The following LARGE1 variants were observed in gnomAD, a reference collection of about 807,000 sequenced individuals.
LARGE1 encodes the protein LARGE xylosyl- and glucuronyltransferase 1.
LARGE1 carries 43 observed loss-of-function variants against 87.6 expected under a neutral mutation model. The observed-to-expected ratio is 0.49, with a 90% CI of 0.38 to 0.63. The LOEUF (loss-of-function observed/expected upper bound fraction) is 0.63, where lower values mean the gene tolerates loss of function less well. Ranked by LOEUF, LARGE1 falls within the 30% of genes least tolerant of loss-of-function variation. The probability of loss-of-function intolerance (pLI) is 0.00; values close to 1 mark genes in which losing one functional copy is unlikely to be tolerated. For synonymous variants in LARGE1, 434 were observed against 394.6 expected (o/e 1.10, Z -1.18); for missense variants, 802 against 1,000.2 (o/e 0.80, Z 2.67).
chr22:33,554,252 C>A (rs999153586), intron 6 of LARGE1, among the ~76,000 whole-genome samples: 1 of 152,116 alleles, frequency 6.6e-6, no homozygotes, highest in African/African-American at 2.4e-5. Context: ...TCCAATGAGC[C>A]CTGTGTTAGA....
rs181456999 is a variant in LARGE1 at position 33,391,841 on chromosome 22, C to A, written c.893-7537G>T. Among the ~76,000 whole-genome samples, 204 of 145,600 alleles carry A rather than the reference C, an allele frequency of 1.4e-3. 3 individuals carry two copies. Among genetic ancestry groups the A allele is most frequent in the Non-Finnish European group, 1.0e-3 (67 of 67,268 alleles). On this transcript the variant is annotated intron_variant, in intron 7 of 14. Coordinates refer to ENST00000397394, the MANE Select transcript of LARGE1 (RefSeq NM_133642.5). ...CAGGAGTGCAATGGCGTGATCTCGGCTCACTGCAACCTCTGCCTCCCGGGT... is the reference window on the plus strand; with the variant it reads ...CAGGAGTGCAATGGCGTGATCTCGGATCACTGCAACCTCTGCCTCCCGGGT...
chr22:33,216,761 C>T (rs1225157275), intron 11 of LARGE1, among the ~76,000 whole-genome samples: 1 of 152,144 alleles, frequency 6.6e-6, no homozygotes, highest in Non-Finnish European at 1.5e-5. Context: ...CATGACCCCA[C>T]ACTGTCCCAC....
the LARGE1 span, among the ~76,000 whole-genome samples, chr22:33,119,584 A>G: frequency 6.6e-6 from 1 of 151,922 alleles, no homozygotes; most frequent in Admixed American, 6.6e-5. Context: ...CATGGTCTAG[A>G]ACAGTTTCTT....
chr22:33,598,348 C>T (rs1406773164), intron 5 of LARGE1, among the ~76,000 whole-genome samples: 1 of 152,074 alleles, frequency 6.6e-6, no homozygotes, highest in Non-Finnish European at 1.5e-5. Context: ...ATGAGAGAAC[C>T]ATGTAAAACA....
chr22:33,841,271 G>A (rs756137678), intron 1 of LARGE1, among the ~76,000 whole-genome samples: 5 of 152,122 alleles, frequency 3.3e-5, no homozygotes, highest in African/African-American at 1.2e-4. Flanking sequence ...ATGTTTCAGA[G>A]TTTTTGAGGG....
At chr22:33,461,140 T>C (rs1325883448) in intron 6 of LARGE1, among the ~76,000 whole-genome samples, 1 of 152,154 alleles carries the variant, frequency 6.6e-6, no homozygotes, top group Non-Finnish European at 1.5e-5. Flanking sequence ...GGAAAATCTG[T>C]TTAATATATT....
chr22:33,572,614 C>T (rs2078239062), intron 5 of LARGE1, among the ~76,000 whole-genome samples: 1 of 152,194 alleles, frequency 6.6e-6, no homozygotes, highest in African/African-American at 2.4e-5. Flanking sequence ...ATGACACATG[C>T]CATTAATCCC....
At chr22:33,374,155 C>A (rs1005379918) in intron 9 of LARGE1, among the ~76,000 whole-genome samples, 1 of 152,070 alleles carries the variant, frequency 6.6e-6, no homozygotes, top group Non-Finnish European at 1.5e-5. Flanking sequence ...TGCTAGTTTT[C>A]TTGTTTACAT....
chr22:33,152,682 G>A, the LARGE1 span, among the ~76,000 whole-genome samples: 2 of 151,846 alleles, frequency 1.3e-5, no homozygotes, highest in Non-Finnish European at 2.9e-5. Context: ...CATGATAATC[G>A]CAGCATAGAA....
chr22:33,327,101 C>T (rs193119530), intron 10 of LARGE1, among the ~76,000 whole-genome samples: 4 of 152,278 alleles, frequency 2.6e-5, no homozygotes, highest in Admixed American at 6.5e-5. Context: ...GGGCTTTCTC[C>T]GGGATTCTTC....
chr22:33,763,260 G>T (rs1184122425), intron 1 of LARGE1, among the ~76,000 whole-genome samples: 1 of 152,164 alleles, frequency 6.6e-6, no homozygotes, highest in African/African-American at 2.4e-5. Flanking sequence ...TCAGTGAGTT[G>T]CCAATAATAA....
chr22:33,263,198 C>T (rs1187234867), intron 11 of LARGE1, among the ~76,000 whole-genome samples: 2 of 152,182 alleles, frequency 1.3e-5, no homozygotes, highest in Non-Finnish European at 2.9e-5. Context: ...CGGCCGACAT[C>T]CTTTCTTTGA....
chr22:33,646,643 C>A (rs2080623517), intron 3 of LARGE1, among the ~76,000 whole-genome samples: 1 of 151,548 alleles, frequency 6.6e-6, no homozygotes. Context: ...TCCTATATGA[C>A]TGTTTTATGT....
chr22:33,633,206 C>T (rs2080162487), intron 3 of LARGE1, among the ~76,000 whole-genome samples: 1 of 152,146 alleles, frequency 6.6e-6, no homozygotes, highest in Admixed American at 6.5e-5. Context: ...TGATAGTTAA[C>T]CAGGAGATCC....
intron 12 of LARGE1, among the ~76,000 whole-genome samples, chr22:33,293,096 T>C (rs1411043309): frequency 6.6e-6 from 1 of 152,186 alleles, no homozygotes; most frequent in Non-Finnish European, 1.5e-5. Context: ...GGAAGACTTC[T>C]CATCACTGAG....
intron 9 of LARGE1, among the ~76,000 whole-genome samples, chr22:33,372,169 A>G (rs1441474564): frequency 1.3e-5 from 2 of 152,122 alleles, no homozygotes; most frequent in Admixed American, 6.5e-5. Flanking sequence ...GAACATAAAT[A>G]TAAGTTGTTT....
At chr22:33,630,652 C>T (rs1385464469) in intron 3 of LARGE1, among the ~76,000 whole-genome samples, 3 of 152,078 alleles carry the variant, frequency 2.0e-5, no homozygotes, top group African/African-American at 4.8e-5. Context: ...TCACAGAAAT[C>T]GAAGTAGCTC....
intron 11 of LARGE1, among the ~76,000 whole-genome samples, chr22:33,310,137 G>T (rs768390424): frequency 7.2e-5 from 11 of 152,122 alleles, no homozygotes; most frequent in Non-Finnish European, 1.3e-4. Context: ...TGGGGCCTGA[G>T]AATCTGTATT....
chr22:33,170,811 A>C (rs1237435538), intron 11 of LARGE1, among the ~76,000 whole-genome samples: 3 of 152,204 alleles, frequency 2.0e-5, no homozygotes, highest in Non-Finnish European at 4.4e-5. Context: ...GTACTGCTAT[A>C]AAGTGGGTAC....
Sources: allele counts gnomAD v4.1 joint callset (sites outside exome capture counted in the v4.1 genomes callset), GRCh38; gene constraint gnomAD v4.1.1; transcripts MANE v1.5; gene names NCBI Gene and HGNC (gene_info 2026-07-23, HGNC 2026-07-21).